DENND4C: variants seen among roughly 807,000 people sequenced by gnomAD.
DENND4C encodes DENN domain-containing protein 4C.
DENND4C carries 108 observed loss-of-function variants against 203.0 expected under a neutral mutation model. That is an observed-to-expected ratio of 0.53 (90% CI 0.46 to 0.62). The LOEUF (loss-of-function observed/expected upper bound fraction) is 0.62, where lower values mean the gene tolerates loss of function less well. Ranked by LOEUF, DENND4C falls within the 20% of genes least tolerant of loss-of-function variation. The pLI is 0.00. For synonymous variants in DENND4C, 871 were observed against 792.4 expected, an observed-to-expected ratio of 1.10 and a Z score of -1.67; for missense variants, 2,481 against 2,301.2, an observed-to-expected ratio of 1.08 and a Z score of -1.60.
chr9:19,302,454 A>G (rs1385585900), intron 9 of DENND4C, among the ~76,000 whole-genome samples: 1 of 152,226 alleles, frequency 6.6e-6, no homozygotes, highest in African/African-American at 2.4e-5. Flanking sequence ...CCTTTTGTTG[A>G]AAAGGAGATA....
intron 1 of DENND4C, among the ~76,000 whole-genome samples, chr9:19,245,376 A>G (rs985782202): frequency 6.6e-6 from 1 of 151,596 alleles, no homozygotes; most frequent in Non-Finnish European, 1.5e-5. Flanking sequence ...CTGAGGCAGG[A>G]GAATGGTGTG....
At chr9:19,272,125 A>G (rs1016650021) in intron 1 of DENND4C, among the ~76,000 whole-genome samples, 4 of 151,890 alleles carry the variant, frequency 2.6e-5, no homozygotes, top group African/African-American at 9.7e-5. Flanking sequence ...CTTTTTAAAT[A>G]AAAGAGAGAC....
intron 1 of DENND4C, among the ~76,000 whole-genome samples, chr9:19,241,399 G>A (rs190216046): frequency 2.0e-5 from 3 of 151,796 alleles, no homozygotes; most frequent in South Asian, 2.1e-4. Context: ...TTTTTTTAGA[G>A]ATAGAGTCTC....
In DENND4C at chr9:19,298,057, C is replaced by A; in HGVS notation, c.1042C>A (p.His348Asn). 1 of 1,604,554 alleles carries A rather than the reference C, an allele frequency of 6.2e-7. No homozygotes were observed. The highest frequency in any genetic ancestry group is 8.5e-7 in the Non-Finnish European group (1 of 1,175,742). The change falls in exon 7 of 33, where the codon CAC (histidine) becomes AAC (asparagine). Residue 348 changes from histidine (H) to asparagine (N), a missense_variant and splice_region_variant. By Grantham distance (68) the His-to-Asn change is moderately conservative. Around this residue, in one of 3 missense-constraint regions of DENND4C, gnomAD observed 2,289 missense variants for 2,113.3 expected, o/e 1.08. Transcript: ENST00000434457. ...SGPHPLPIEK[H>N]ISHFMQNIPF... ...TTTATTTCAAATTTTTTTTTCTAGG[C>A]ACATTTCACATTTTATGCAAAACAT...
chr9:19,242,696 A>G (rs1824074063), intron 1 of DENND4C, among the ~76,000 whole-genome samples: 1 of 150,868 alleles, frequency 6.6e-6, no homozygotes, highest in Admixed American at 6.6e-5. Context: ...CCATTTGTTA[A>G]CCAGGCTGGA....
chr9:19,260,773 T>C (rs1372502678), intron 1 of DENND4C, among the ~76,000 whole-genome samples: 1 of 152,232 alleles, frequency 6.6e-6, no homozygotes, highest in Non-Finnish European at 1.5e-5. Flanking sequence ...GTCTCTTCAC[T>C]TTGTTGATTG....
Position 19,352,104 on chromosome 9 carries a change from G to A in DENND4C, c.4527G>A (p.Gly1509=). 6.2e-7 allele frequency: 1 copy of A among 1,613,820 alleles called. No individual in the cohort carries two copies. The highest frequency in any genetic ancestry group is 1.3e-5 in the African/African-American group (1 of 75,010). The part of the protein sequence containing the change: ...GEVPFPRGMK[G]QDFEKSDHGS... ...TTCCATTTCCAAGAGGCATGAAAGG[G>A]CAAGACTTTGAAAAATCAGATCATG... The change falls in exon 25 of 33, where the codon GGG becomes GGA. Residue 1509 remains glycine, a synonymous_variant. Transcript: ENST00000434457.
intron 1 of DENND4C, among the ~76,000 whole-genome samples, chr9:19,266,945 CTTT>C (rs767282060): frequency 3.8e-4 from 58 of 152,204 alleles, no homozygotes; most frequent in Non-Finnish European, 5.0e-4. Context: ...AAACTGATTT[CTTT>C]TTTATCACAT....
At chr9:19,238,071 G>A (rs115371199) in intron 1 of DENND4C, among the ~76,000 whole-genome samples, 1,522 of 149,390 alleles carry the variant, frequency 0.01, 34 homozygotes, top group African/African-American at 0.035. Flanking sequence ...CTCTTCCTCT[G>A]TTTCTTTCTT....
rs1404791226 is a variant in DENND4C at position 19,373,487 on chromosome 9, A to G, written c.*1314A>G. 6.6e-6 allele frequency: 1 copy of G among 152,608 alleles called. No individual in the cohort carries two copies. The highest frequency in any genetic ancestry group is 6.5e-5 in the Admixed American group (1 of 15,276). The allele number at this position is 152,608 out of a possible 1,614,324, so 9.5% of individuals were successfully genotyped here. On this transcript the variant is annotated 3_prime_UTR_variant, in exon 33 of 33. Coordinates refer to ENST00000434457, the MANE Select transcript of DENND4C (RefSeq NM_001330640.2). ...GGGATAAACTTGCACTGCACACGGA[A>G]GTTTTATTCTTGTATATTTAGATTT...
At chr9:19,298,747 C>T (rs1237165291) in intron 7 of DENND4C, among the ~76,000 whole-genome samples, 3 of 152,130 alleles carry the variant, frequency 2.0e-5, no homozygotes, top group Non-Finnish European at 2.9e-5. Flanking sequence ...ACTTAACATA[C>T]TTTCAGTAGC....
chr9:19,306,745 GTATT>G (rs59616787), intron 10 of DENND4C, among the ~76,000 whole-genome samples: 21,664 of 142,180 alleles, frequency 0.15, 1,721 homozygotes, highest in Middle Eastern at 0.25. Context: ...TTGCACAATT[GTATT>G]TATTTATTTA....
chr9:19,317,743 A>G (rs1842090218), intron 12 of DENND4C, among the ~76,000 whole-genome samples: 1 of 152,352 alleles, frequency 6.6e-6, no homozygotes, highest in South Asian at 2.1e-4. Context: ...TAATTAAGAT[A>G]TTTTAAAAAT....
Position 19,297,304 on chromosome 9 carries a change from A to G in DENND4C, c.1041-752A>G, listed in dbSNP as rs189486110. Among the ~76,000 whole-genome samples, 515 of 152,308 alleles carry G rather than the reference A, an allele frequency of 3.4e-3. 2 individuals carry two copies. The highest frequency in any genetic ancestry group is 6.1e-3 in the Non-Finnish European group (412 of 68,020). ...TAAAAATAATGCTGTCCAAAAATCA[A>G]CTTTAAAAAGAGTGAAGTACTGTGC... On this transcript the variant is annotated intron_variant, in intron 6 of 32. Transcript: ENST00000434457.
At chr9:19,332,385 C>G (rs1819416179) in intron 17 of DENND4C, among the ~76,000 whole-genome samples, 3 of 152,026 alleles carry the variant, frequency 2.0e-5, no homozygotes, top group Non-Finnish European at 2.9e-5. Flanking sequence ...GTGACAGAGT[C>G]TCACTCTGTC....
intron 7 of DENND4C, 56 bp from the exon 8 acceptor site, chr9:19,299,173 A>G: frequency 1.5e-6 from 2 of 1,326,722 alleles, no homozygotes. Flanking sequence ...TTTGAAACTT[A>G]TCTCTTGGTT....
chr9:19,343,618 T>C (rs1489519499), intron 22 of DENND4C, among the ~76,000 whole-genome samples: 1 of 152,250 alleles, frequency 6.6e-6, no homozygotes, highest in African/African-American at 2.4e-5. Context: ...TGGGTAGTGC[T>C]CAAGAGGTGG....
rs961592458 is a variant in DENND4C, at chr9:19,288,595, G to A, written c.559-1G>A. ...TTATAAACCTAATTCATGTTTTACAGTGGGGTTCCAGCGTGTTTCTGTGTT... is the reference window on the plus strand; with the variant it reads ...TTATAAACCTAATTCATGTTTTACAATGGGGTTCCAGCGTGTTTCTGTGTT... On this transcript the variant is annotated splice_acceptor_variant, in intron 3 of 32. Coordinates refer to ENST00000434457, the MANE Select transcript of DENND4C (RefSeq NM_001330640.2). LOFTEE classifies it high-confidence loss of function. The A allele has an allele frequency of 8.1e-7, 1 of 1,231,062 alleles. No homozygotes were observed. Among genetic ancestry groups the A allele is most frequent in the Non-Finnish European group, 1.0e-6 (1 of 987,266 alleles). The allele number at this position is 1,231,062 out of a possible 1,614,324, so 76.3% of individuals were successfully genotyped here.
chr9:19,272,924 C>T (rs773068001), intron 1 of DENND4C, among the ~76,000 whole-genome samples: 5 of 146,778 alleles, frequency 3.4e-5, no homozygotes, highest in Admixed American at 1.4e-4. Context: ...CATGCCACTA[C>T]GCCTGGCTAA....
Sources: allele counts gnomAD v4.1 joint callset (sites outside exome capture counted in the v4.1 genomes callset), GRCh38; gene constraint gnomAD v4.1.1; regional missense constraint gnomAD v4.1.1; transcripts MANE v1.5; gene names NCBI Gene and HGNC (gene_info 2026-07-23, HGNC 2026-07-21).